The following GLDC variants were observed in gnomAD, a reference collection of about 807,000 sequenced individuals.
The protein encoded by GLDC is glycine decarboxylase.
In GLDC, 104 loss-of-function variants were observed where a neutral mutation model predicts 121.3. The ratio of observed to expected loss-of-function variants is 0.86; its 90% confidence interval spans 0.73 to 1.01. The LOEUF (loss-of-function observed/expected upper bound fraction) is 1.01, where lower values mean the gene tolerates loss of function less well. Ranked by LOEUF, GLDC falls within the 50% of genes least tolerant of loss-of-function variation. GLDC has a pLI of 0.00. For synonymous variants in GLDC, 546 were observed against 480.6 expected (o/e 1.14, Z -1.78); for missense variants, 1,429 against 1,306.6 (o/e 1.09, Z -1.44).
chr9:6,579,984 T>C (rs1354332483), intron 15 of GLDC, among the ~76,000 whole-genome samples: 1 of 152,186 alleles, frequency 6.6e-6, no homozygotes, highest in Admixed American at 6.5e-5. Context: ...TTGGGGGCAG[T>C]GGGAGCATCA....
intron 13 of GLDC, 74 bp downstream of exon 13, chr9:6,588,544 A>G (rs975152329): frequency 4.2e-6 from 6 of 1,442,538 alleles, no homozygotes; most frequent in African/African-American, 1.4e-5. Context: ...TTGCTCTTGG[A>G]GCATATTAGG....
chr9:6,559,808 C>T (rs1368895485), intron 16 of GLDC, among the ~76,000 whole-genome samples: 1 of 151,764 alleles, frequency 6.6e-6, no homozygotes, highest in Admixed American at 6.6e-5. Context: ...GAGCAAGACT[C>T]CGTCTCAAAA....
Position 6,565,361 on chromosome 9 carries a change from T to G in GLDC, c.1919A>C (p.His640Pro). The G allele has an allele frequency of 1.2e-6, 2 of 1,612,100 alleles. No individual in the cohort carries two copies. The highest frequency in any genetic ancestry group is 1.7e-6 in the Non-Finnish European group (2 of 1,178,066). ...RAYLNQKGEG[H>P]RTVCLIPKSA... ...ACCTCCTGCCATACTCACCGTTCTG[T>G]GCCCCTCTCCTTTCTGGTTTAAGTA... Residue 640 changes from histidine (H) to proline (P), a missense_variant, in exon 16 of 25, where the codon CAC becomes CCC. Transcript: ENST00000321612.
intron 11 of GLDC, among the ~76,000 whole-genome samples, chr9:6,591,667 C>A (rs1009848433): frequency 1.3e-5 from 2 of 152,092 alleles, no homozygotes; most frequent in Admixed American, 1.3e-4. Flanking sequence ...TCACTGCAAC[C>A]GCCGCCTCCT....
At chr9:6,644,040 A>AAAAAAAAAAAAAAAAAAAAAC (rs1819684497) in intron 2 of GLDC, among the ~76,000 whole-genome samples, 1 of 148,526 alleles carries the variant, frequency 6.7e-6, no homozygotes, top group Non-Finnish European at 1.5e-5. Flanking sequence ...AAAAAAAAAA[A>AAAAAAAAAAAAAAAAAAAAAC]AAAAAAAAAA....
At chr9:6,577,875 C>A (rs961462456) in intron 15 of GLDC, among the ~76,000 whole-genome samples, 1 of 151,276 alleles carries the variant, frequency 6.6e-6, no homozygotes, top group Non-Finnish European at 1.5e-5. Context: ...GCTTAATGTA[C>A]TTCTTTCTCT....
At chr9:6,612,868 C>G (rs970085406) in intron 3 of GLDC, among the ~76,000 whole-genome samples, 2 of 151,472 alleles carry the variant, frequency 1.3e-5, no homozygotes, top group African/African-American at 4.9e-5. Context: ...TCTCAAAAAA[C>G]AAAAAATAAC....
chr9:6,602,542 G>T (rs1818637448), intron 7 of GLDC, among the ~76,000 whole-genome samples: 1 of 151,990 alleles, frequency 6.6e-6, no homozygotes, highest in Non-Finnish European at 1.5e-5. Flanking sequence ...TAGTAGAGAT[G>T]GGGTTTCACC....
chr9:6,562,684 C>T (rs1452977274), intron 16 of GLDC, among the ~76,000 whole-genome samples: 1 of 152,106 alleles, frequency 6.6e-6, no homozygotes, highest in Non-Finnish European at 1.5e-5. Flanking sequence ...CTCAGCCTCC[C>T]TCAGTAGCTG....
At chr9:6,535,125 T>A (rs1407376106) in intron 23 of GLDC, among the ~76,000 whole-genome samples, 5 of 152,198 alleles carry the variant, frequency 3.3e-5, no homozygotes, top group African/African-American at 4.8e-5. Context: ...TTTACCATTC[T>A]CATCATGCTT....
intron 2 of GLDC, among the ~76,000 whole-genome samples, chr9:6,622,565 G>A (rs1819128939): frequency 6.6e-6 from 1 of 152,174 alleles, no homozygotes; most frequent in Non-Finnish European, 1.5e-5. Flanking sequence ...CCAGGCTGGA[G>A]TGCAGTGGCG....
chr9:6,586,058 G>A (rs1398607809), intron 15 of GLDC, among the ~76,000 whole-genome samples: 1 of 152,094 alleles, frequency 6.6e-6, no homozygotes, highest in Non-Finnish European at 1.5e-5. Context: ...CACTTTGGGA[G>A]GCCGAGCCAG....
At chr9:6,547,204 G>GA (rs1331595337) in intron 21 of GLDC, among the ~76,000 whole-genome samples, 2 of 151,946 alleles carry the variant, frequency 1.3e-5, no homozygotes, top group African/African-American at 2.4e-5. Context: ...AGCAATTAGG[G>GA]AAAAAACCAA....
At chr9:6,600,325 T>C (rs1292719379) in intron 8 of GLDC, among the ~76,000 whole-genome samples, 1 of 150,556 alleles carries the variant, frequency 6.6e-6, no homozygotes, top group Non-Finnish European at 1.5e-5. Flanking sequence ...CAGTGAGCTA[T>C]GGCCATGCCA....
intron 15 of GLDC, among the ~76,000 whole-genome samples, chr9:6,570,176 A>T (rs79253365): frequency 6.6e-6 from 1 of 152,252 alleles, no homozygotes; most frequent in African/African-American, 2.4e-5. Flanking sequence ...ACCAGCAGTC[A>T]CCAAAACTCC....
chr9:6,634,041 AG>A (rs1335463907), intron 2 of GLDC, among the ~76,000 whole-genome samples: 2 of 151,516 alleles, frequency 1.3e-5, no homozygotes, highest in African/African-American at 4.8e-5. Context: ...CGTGTTAGCC[AG>A]GATGGTCTCG....
At chr9:6,578,907 C>T (rs1818124216) in intron 15 of GLDC, among the ~76,000 whole-genome samples, 1 of 152,100 alleles carries the variant, frequency 6.6e-6, no homozygotes, top group Non-Finnish European at 1.5e-5. Flanking sequence ...ATTTAATTTC[C>T]ACATATTTGT....
chr9:6,610,001 A>G (rs1818818135), intron 4 of GLDC, among the ~76,000 whole-genome samples, 191 bp downstream of exon 4: 1 of 152,114 alleles, frequency 6.6e-6, no homozygotes, highest in East Asian at 1.9e-4. Context: ...CCGGGTGGAG[A>G]CACCAAGAAG....
chr9:6,607,543 C>A (rs1017684165), intron 4 of GLDC, among the ~76,000 whole-genome samples: 13 of 152,156 alleles, frequency 8.5e-5, no homozygotes, highest in Admixed American at 6.5e-4. Flanking sequence ...GATCGCCTCA[C>A]TGCACTCCAG....
Sources: gnomAD v4.1 joint callset for allele counts (sites outside exome capture counted in the v4.1 genomes callset) on GRCh38, gnomAD v4.1.1 for gene constraint, MANE v1.5 for transcripts, NCBI Gene and HGNC (gene_info 2026-07-23, HGNC 2026-07-21) for gene names.